Variants in SCAPER observed in about 807,000 individuals in gnomAD.
SCAPER encodes S-phase cyclin A associated protein in the ER.
SCAPER carries 98 observed loss-of-function variants against 182.2 expected under a neutral mutation model. The ratio of observed to expected loss-of-function variants is 0.54; its 90% CI spans 0.46 to 0.64. The LOEUF (loss-of-function observed/expected upper bound fraction) is 0.64. Ranked by LOEUF, SCAPER falls within the 30% of genes least tolerant of loss-of-function variation. The pLI is 0.00. For synonymous variants in SCAPER, 605 were observed against 564.6 expected (o/e 1.07, Z -1.01); for missense variants, 1,432 against 1,690.0 (o/e 0.85, Z 2.68).
At chr15:76,695,449 T>C (rs1248112651) in intron 20 of SCAPER, among the ~76,000 whole-genome samples, 2 of 151,610 alleles carry the variant, frequency 1.3e-5, no homozygotes, top group Admixed American at 1.3e-4. Flanking sequence ...ATACAAAAAT[T>C]AGCAGGGTGA....
intron 23 of SCAPER, among the ~76,000 whole-genome samples, chr15:76,524,182 A>C (rs1325122565): frequency 6.6e-6 from 1 of 152,176 alleles, no homozygotes; most frequent in Admixed American, 6.5e-5. Context: ...CAGCAAAAGC[A>C]AAACAAAAAC....
chr15:76,613,232 A>T (rs1435580639), intron 22 of SCAPER, among the ~76,000 whole-genome samples: 2 of 152,374 alleles, frequency 1.3e-5, no homozygotes, highest in South Asian at 4.1e-4. Context: ...CAGAAGACTG[A>T]AACTGGACCT....
chr15:76,816,620 T>A (rs1267548275), intron 5 of SCAPER, among the ~76,000 whole-genome samples: 1 of 151,980 alleles, frequency 6.6e-6, no homozygotes, highest in Admixed American at 6.6e-5. Flanking sequence ...AAAATAACAA[T>A]AAATAGTATA....
intron 21 of SCAPER, among the ~76,000 whole-genome samples, chr15:76,656,870 A>T (rs2055684152): frequency 6.6e-6 from 1 of 152,210 alleles, no homozygotes; most frequent in Non-Finnish European, 1.5e-5. Flanking sequence ...GATATGACAT[A>T]CCAGAATCTC....
chr15:76,471,099 T>TTCTTC, intron 25 of SCAPER, 113 bp downstream of exon 25: 1 of 359,314 alleles, frequency 2.8e-6, no homozygotes, highest in Non-Finnish European at 4.0e-6. Flanking sequence ...CTTCTTCTTC[T>TTCTTC]TTTTTTTTTT....
At position 76,442,809 on chromosome 15, in the gene SCAPER, C is replaced by A. The variant is rs1025640705; in HGVS notation, c.3079-8499G>T. On this transcript the variant is annotated intron_variant, in intron 25 of 31. Transcript: ENST00000563290. ...CCATGTTAGGTGATATACCCTAACA[C>A]CATTATATCTTTCCTAGTATAAGGA... Among the ~76,000 whole-genome samples the A allele has an allele frequency of 4.7e-4, 71 of 152,132 alleles. 2 individuals carry two copies. Among genetic ancestry groups the A allele is most frequent in the Admixed American group, 3.1e-3 (48 of 15,282 alleles).
rs183070199 is a variant in SCAPER, at chr15:76,609,410, C to T, written c.2711+12354G>A. 3.5e-3 allele frequency among the ~76,000 whole-genome samples: 529 copies of T among 152,000 alleles called. 5 individuals are homozygous for T. The highest frequency in any genetic ancestry group is 0.012 in the African/African-American group (491 of 41,470). ...AGGCTGAGTTGGGAGTTGCCTGAAC[C>T]CAGGTGGCTGAGGTTACAGTAAGCT... On this transcript the variant is annotated intron_variant, in intron 22 of 31. Transcript: ENST00000563290.
intron 3 of SCAPER, among the ~76,000 whole-genome samples, chr15:76,860,362 CA>C (rs924118520): frequency 1.3e-4 from 20 of 151,930 alleles, no homozygotes; most frequent in African/African-American, 4.8e-4. Flanking sequence ...AGCTGAATTT[CA>C]AAAGATAAAT....
intron 15 of SCAPER, among the ~76,000 whole-genome samples, chr15:76,739,509 A>T (rs1407202662): frequency 1.3e-5 from 2 of 152,216 alleles, no homozygotes; most frequent in Non-Finnish European, 1.5e-5. Context: ...TCCACCTGAT[A>T]ACCAAGATGG....
In SCAPER at chr15:76,354,680, A is replaced by G. The variant is rs2040837092; in HGVS notation, c.3856-540T>C. ...GTTTCAAAAAAAGTTATAGGCTCCA[A>G]AAGACCTTTCCTCCAATCTATACTT... On this transcript the variant is annotated intron_variant, in intron 29 of 31. Coordinates refer to ENST00000563290, the MANE Select transcript of SCAPER (RefSeq NM_020843.4). The surrounding 1 kb of genome is among the most constrained non-coding windows in gnomAD (Gnocchi z 4.4). 2 of 152,302 alleles carry G rather than the reference A, an allele frequency of 1.3e-5. No homozygotes were observed. The highest frequency in any genetic ancestry group is 4.8e-5 in the African/African-American group (2 of 41,448). 9.4% of individuals were successfully genotyped at this position (152,302 alleles called of 1,614,324 possible).
intron 14 of SCAPER, among the ~76,000 whole-genome samples, chr15:76,759,181 T>G (rs1019451372): frequency 5.3e-5 from 8 of 152,230 alleles, no homozygotes; most frequent in African/African-American, 1.9e-4. Context: ...TTTTTCCCAA[T>G]TATGATGTTA....
chr15:76,671,646 T>C (rs1031766737), intron 20 of SCAPER, among the ~76,000 whole-genome samples: 3 of 152,116 alleles, frequency 2.0e-5, no homozygotes, highest in South Asian at 2.1e-4. Context: ...GGCAGGTGCC[T>C]GTAGTCCCAG....
chr15:76,466,915 G>C (rs1016770182), intron 25 of SCAPER, among the ~76,000 whole-genome samples: 1 of 152,110 alleles, frequency 6.6e-6, no homozygotes, highest in East Asian at 1.9e-4. Context: ...TCCCTGCCCA[G>C]ATGTCATGTT....
rs940855933 is a variant in SCAPER, at chr15:76,835,518, C to A, written c.393+6216G>T. ...ATCACTTCATGTTAAAAACCCTCAACAAACTAGGTATAAAGATAACATAAC... is the reference window on the plus strand; with the variant it reads ...ATCACTTCATGTTAAAAACCCTCAAAAAACTAGGTATAAAGATAACATAAC... On this transcript the variant is annotated intron_variant, in intron 5 of 31. Coordinates refer to ENST00000563290, the MANE Select transcript of SCAPER (RefSeq NM_020843.4). Among the ~76,000 whole-genome samples the A allele has an allele frequency of 3.3e-5, 5 of 152,106 alleles. No individual in the cohort carries two copies. The East Asian group carries it at 9.6e-4, about 29-fold the overall frequency.
chr15:76,435,008 T>C (rs1288507206), intron 25 of SCAPER, among the ~76,000 whole-genome samples: 1 of 152,230 alleles, frequency 6.6e-6, no homozygotes, highest in African/African-American at 2.4e-5. Flanking sequence ...TCCACAAATG[T>C]ACTTACTTGG....
At chr15:76,628,697 G>C (rs968448667) in intron 21 of SCAPER, among the ~76,000 whole-genome samples, 2 of 152,064 alleles carry the variant, frequency 1.3e-5, no homozygotes. Flanking sequence ...GTTTGAAGTT[G>C]GGTAGCGCGA....
chr15:76,900,362 A>T (rs1298807467), intron 1 of SCAPER, among the ~76,000 whole-genome samples: 2 of 148,072 alleles, frequency 1.4e-5, no homozygotes, highest in Non-Finnish European at 3.0e-5. Context: ...AAAAAAAAAG[A>T]CAAAAATAAA....
chr15:76,901,496 A>C lies in SCAPER; in HGVS notation c.-60+3803T>G, dbSNP rs535937386. Among the ~76,000 whole-genome samples the C allele has an allele frequency of 2.1e-3, 320 of 152,350 alleles. 2 individuals carry two copies. Among genetic ancestry groups the C allele is most frequent in the African/African-American group, 7.3e-3 (305 of 41,568 alleles). ...TCTGAAACCTGCTTCAAAACAATTT[A>C]GTGAGGAGGTAACTTTTATGAAATA... On this transcript the variant is annotated intron_variant, in intron 1 of 31. Coordinates refer to ENST00000563290, the MANE Select transcript of SCAPER (RefSeq NM_020843.4).
intron 27 of SCAPER, among the ~76,000 whole-genome samples, chr15:76,396,583 G>A (rs535199389): frequency 2.0e-5 from 3 of 152,118 alleles, no homozygotes; most frequent in South Asian, 4.1e-4. Flanking sequence ...TGTGGCTCTT[G>A]TAAATGGGAT....
Sources: allele counts gnomAD v4.1 joint callset (sites outside exome capture counted in the v4.1 genomes callset), GRCh38; gene constraint gnomAD v4.1.1; non-coding constraint Gnocchi (gnomAD v3.1); transcripts MANE v1.5; gene names NCBI Gene and HGNC (gene_info 2026-07-23, HGNC 2026-07-21).